CASZ1: variants seen among roughly 807,000 people sequenced by gnomAD.
The protein encoded by CASZ1 is castor zinc finger 1.
A neutral mutation model predicts 135.2 loss-of-function variants in CASZ1; 28 were observed. The ratio of observed to expected loss-of-function variants is 0.21; its 90% CI spans 0.15 to 0.28. CASZ1 has a LOEUF of 0.28. Among genes scored for constraint, CASZ1 ranks in the 10% least tolerant of loss-of-function variants. The probability of loss-of-function intolerance (pLI) is 1.00; values close to 1 mark genes in which losing one functional copy is unlikely to be tolerated. For synonymous variants in CASZ1, 1,068 were observed against 1,073.4 expected, an observed-to-expected ratio of 0.99 and a Z score of 0.10; for missense variants, 2,161 against 2,453.3, an observed-to-expected ratio of 0.88 and a Z score of 2.52.
chr1:10,682,572 C>T (rs1302282957), intron 4 of CASZ1, among the ~76,000 whole-genome samples: 2 of 152,214 alleles, frequency 1.3e-5, no homozygotes, highest in Non-Finnish European at 2.9e-5. Context: ...TTTATAGCTT[C>T]ATTCTTGGCT....
intron 20 of CASZ1, 134 bp from the exon 21 acceptor site, chr1:10,640,193 G>T (rs1381816847): frequency 2.8e-5 from 37 of 1,332,310 alleles, no homozygotes; most frequent in Non-Finnish European, 2.9e-5. Context: ...GCTTCCCCTG[G>T]CTTGGGAGGC....
At chr1:10,732,280 A>T (rs1639714579) in intron 2 of CASZ1, among the ~76,000 whole-genome samples, 1 of 150,796 alleles carries the variant, frequency 6.6e-6, no homozygotes, top group Non-Finnish European at 1.5e-5. Flanking sequence ...AGCCGAGTGC[A>T]ACTGCACTCC....
intron 2 of CASZ1, among the ~76,000 whole-genome samples, chr1:10,712,413 C>T (rs539309358): frequency 1.4e-4 from 21 of 152,266 alleles, no homozygotes; most frequent in Admixed American, 5.9e-4. Context: ...GTAAATTTTA[C>T]GGTGTGTGCA....
Position 10,788,893 on chromosome 1 carries a change from G to A in CASZ1, c.-234+7671C>T, listed in dbSNP as rs61249755. 0.012 allele frequency among the ~76,000 whole-genome samples: 1,828 copies of A among 152,318 alleles called. 42 individuals carry two copies. Among genetic ancestry groups the A allele is most frequent in the African/African-American group, 0.039 (1,620 of 41,562 alleles). On this transcript the variant is annotated intron_variant, in intron 1 of 20. Coordinates refer to ENST00000377022, the MANE Select transcript of CASZ1 (RefSeq NM_001079843.3). This position sits in a 1 kb window ranked among gnomAD's most constrained non-coding sequence, Gnocchi z 4.1. ...GGGGACAGAGGGGAAGCCAGCAGCC[G>A]CTGCCGCTCTGCAGAACCTCGCAGA...
rs1281583880 is a variant in CASZ1, at chr1:10,649,057, G to T, written c.3158+13C>A. On this transcript the variant is annotated intron_variant, in intron 15 of 20. Transcript: ENST00000377022. ...TGGGGCTCTGTGGAAATGGCCCCCA[G>T]CACCCTACTCACTTTGCGTGCTTGA... 2.5e-6 allele frequency: 4 copies of T among 1,611,704 alleles called. No homozygotes were observed. Among genetic ancestry groups the T allele is most frequent in the African/African-American group, 2.7e-5 (2 of 75,018 alleles).
At position 10,708,039 on chromosome 1, in the gene CASZ1, G is replaced by A. The variant is rs140553745; in HGVS notation, c.-76-2495C>T. Among the ~76,000 whole-genome samples, 22 of 152,276 alleles carry A rather than the reference G, an allele frequency of 1.4e-4. 1 individual carries two copies. Among genetic ancestry groups the A allele is most frequent in the South Asian group, 6.2e-4 (3 of 4,822 alleles). Reference sequence around the variant, plus strand: ...CCAACACACCCATTCTCTGCCAGCCGTCTGTCCATCTGTCCATCCATCCAT... The same window carrying A: ...CCAACACACCCATTCTCTGCCAGCCATCTGTCCATCTGTCCATCCATCCAT... On this transcript the variant is annotated intron_variant, in intron 2 of 20. Transcript: ENST00000377022.
rs1442946888 is a variant in CASZ1 at position 10,639,731 on chromosome 1, G to A, written c.4491C>T (p.Ala1497=). ...AGTCGGCGAAGTGGCAGCTGAGTGA[G>A]GCCTTGAAGCGCTTGAAGTCGTCCA... The part of the protein sequence containing the change: ...LVLDDFKRFK[A]SLSCHFADCP... Residue 1497 remains alanine (A), a synonymous_variant, in exon 21 of 21, where the codon GCC becomes GCT. Coordinates refer to ENST00000377022, the MANE Select transcript of CASZ1 (RefSeq NM_001079843.3). The surrounding 1 kb of genome is among the most constrained non-coding windows in gnomAD (Gnocchi z 4.0). 6.3e-7 allele frequency: 1 copy of A among 1,593,278 alleles called. No homozygotes were observed. Among genetic ancestry groups the A allele is most frequent in the South Asian group, 1.1e-5 (1 of 88,482 alleles).
intron 1 of CASZ1, among the ~76,000 whole-genome samples, chr1:10,780,721 T>C (rs1640748860): frequency 6.6e-6 from 1 of 152,132 alleles, no homozygotes; most frequent in Non-Finnish European, 1.5e-5. Flanking sequence ...ATTTTTCCGG[T>C]GCATAGGGAA....
intron 7 of CASZ1, 93 bp downstream of exon 7, chr1:10,658,415 A>C: frequency 1.5e-5 from 15 of 1,024,836 alleles, no homozygotes; most frequent in South Asian, 2.7e-5. Context: ...CCTTGGCCCT[A>C]GAGGTCAGAT....
Position 10,706,346 on chromosome 1 carries a change from T to G in CASZ1, c.-76-802A>C, listed in dbSNP as rs1639173092. On this transcript the variant is annotated intron_variant, in intron 2 of 20. Coordinates refer to ENST00000377022, the MANE Select transcript of CASZ1 (RefSeq NM_001079843.3). This position sits in a 1 kb window ranked among gnomAD's most constrained non-coding sequence, Gnocchi z 4.3. Reference sequence around the variant, plus strand: ...AACACAGGGAGTCCCCCCGCCAGCCTGCTGGCCAGGCCCCCCAACCCTTGC... The same window carrying G: ...AACACAGGGAGTCCCCCCGCCAGCCGGCTGGCCAGGCCCCCCAACCCTTGC... 6.6e-6 allele frequency among the ~76,000 whole-genome samples: 1 copy of G among 152,168 alleles called. No individual in the cohort carries two copies. Among genetic ancestry groups the G allele is most frequent in the Non-Finnish European group, 1.5e-5 (1 of 68,026 alleles).
At chr1:10,696,803 A>C (rs896611346) in intron 3 of CASZ1, among the ~76,000 whole-genome samples, 1 of 152,266 alleles carries the variant, frequency 6.6e-6, no homozygotes, top group Admixed American at 6.5e-5. Flanking sequence ...CCTGGGCTTC[A>C]GCTGATAGTG....
rs1325010524 is a variant in CASZ1, at chr1:10,658,262, C to T, written c.1409+246G>A. On this transcript the variant is annotated intron_variant, in intron 7 of 20. Coordinates refer to ENST00000377022, the MANE Select transcript of CASZ1 (RefSeq NM_001079843.3). ...GTGGCCAGGCCCTGCGTCGGGACCCCGGCCCTAACTGGGGGCACAGGCTGC... is the reference window on the plus strand; with the variant it reads ...GTGGCCAGGCCCTGCGTCGGGACCCTGGCCCTAACTGGGGGCACAGGCTGC... 15 of 511,992 alleles carry T rather than the reference C, an allele frequency of 2.9e-5. 1 individual carries two copies. The highest frequency in any genetic ancestry group is 1.3e-4 in the East Asian group (4 of 31,000). 31.7% of individuals were successfully genotyped at this position (511,992 alleles called of 1,614,324 possible).
intron 1 of CASZ1, among the ~76,000 whole-genome samples, chr1:10,779,703 A>G (rs905891378): frequency 1.3e-5 from 2 of 152,232 alleles, no homozygotes; most frequent in African/African-American, 4.8e-5. Context: ...CGCAGCGTTC[A>G]CAGCTCTTGG....
At chr1:10,643,424 G>A in intron 18 of CASZ1, 113 bp from the exon 19 acceptor site, 1 of 1,162,418 alleles carries the variant, frequency 8.6e-7, no homozygotes, top group Non-Finnish European at 1.2e-6. Flanking sequence ...TAAGGCAGAT[G>A]GTATCTGGGG....
At chr1:10,696,911 C>T (rs1455287870) in intron 3 of CASZ1, among the ~76,000 whole-genome samples, 2 of 152,188 alleles carry the variant, frequency 1.3e-5, no homozygotes, top group African/African-American at 4.8e-5. Flanking sequence ...CACCCAGTAA[C>T]TCGGGGGGTC....
Position 10,669,747 on chromosome 1 carries a change from T to C in CASZ1, c.17-4176A>G, listed in dbSNP as rs570581405. Among the ~76,000 whole-genome samples the C allele has an allele frequency of 3.9e-5, 6 of 152,248 alleles. No homozygotes were observed. The South Asian group carries it at 8.3e-4, about 21-fold the overall frequency. ...CCATGGCCCTGGGTCTCAGAGTTGCTTGTCCTGCCTCAACGGTGGGTGGGT... is the reference window on the plus strand; with the variant it reads ...CCATGGCCCTGGGTCTCAGAGTTGCCTGTCCTGCCTCAACGGTGGGTGGGT... On this transcript the variant is annotated intron_variant, in intron 4 of 20. Transcript: ENST00000377022.
In CASZ1 at chr1:10,707,090, G is replaced by A. The variant is rs1244447020; in HGVS notation, c.-76-1546C>T. ...TCCTGGCCGGTCAGCCCAGGGCCCTGGCTGGGGTGTCATCTTCACTGTCCC... is the reference window on the plus strand; with the variant it reads ...TCCTGGCCGGTCAGCCCAGGGCCCTAGCTGGGGTGTCATCTTCACTGTCCC... On this transcript the variant is annotated intron_variant, in intron 2 of 20. Coordinates refer to ENST00000377022, the MANE Select transcript of CASZ1 (RefSeq NM_001079843.3). The surrounding 1 kb of genome is among the most constrained non-coding windows in gnomAD (Gnocchi z 5.0). Among the ~76,000 whole-genome samples, 2 of 151,960 alleles carry A rather than the reference G, an allele frequency of 1.3e-5. No individual in the cohort carries two copies. The highest frequency in any genetic ancestry group is 2.4e-5 in the African/African-American group (1 of 41,360).
At chr1:10,752,805 G>T (rs990265145) in intron 2 of CASZ1, among the ~76,000 whole-genome samples, 1 of 152,244 alleles carries the variant, frequency 6.6e-6, no homozygotes, top group Non-Finnish European at 1.5e-5. Context: ...GGAGGCCAAG[G>T]TGGGTGGATC....
Position 10,642,801 on chromosome 1 carries a change from G to A in CASZ1, c.4162+58C>T, listed in dbSNP as rs550410948. On this transcript the variant is annotated intron_variant, in intron 20 of 20. Coordinates refer to ENST00000377022, the MANE Select transcript of CASZ1 (RefSeq NM_001079843.3). ...CCTTCTGTCCCAAGCTGCACCCAGC[G>A]GTGCTGGGCTTTGGGAGTGGGGCCT... 6.9e-5 allele frequency: 109 copies of A among 1,578,638 alleles called. No homozygotes were observed. In the African/African-American group the frequency reaches 7.0e-4, roughly 10 times the overall value.
Sources: allele counts gnomAD v4.1 joint callset (sites outside exome capture counted in the v4.1 genomes callset), GRCh38; gene constraint gnomAD v4.1.1; non-coding constraint Gnocchi (gnomAD v3.1); transcripts MANE v1.5; gene names NCBI Gene and HGNC (gene_info 2026-07-23, HGNC 2026-07-21).